The following LRRC4C variants were observed in gnomAD, a reference collection of about 807,000 sequenced individuals.
LRRC4C encodes leucine-rich repeat-containing protein 4C.
LRRC4C carries 5 observed loss-of-function variants against 33.6 expected under a neutral mutation model. That is an observed-to-expected ratio of 0.15 (90% confidence interval 0.08 to 0.31). The LOEUF (loss-of-function observed/expected upper bound fraction) is 0.31. LRRC4C is among the 10% of genes least tolerant of loss of function. The probability of loss-of-function intolerance (pLI) is 1.00; values close to 1 mark genes in which losing one functional copy is unlikely to be tolerated. For missense variants in LRRC4C, 560 were observed against 796.7 expected (o/e 0.70, Z 3.58); for synonymous variants, 329 against 302.0 (o/e 1.09, Z -0.93).
chr11:40,298,724 C>T (rs1213310672), intron 4 of LRRC4C, among the ~76,000 whole-genome samples: 1 of 152,056 alleles, frequency 6.6e-6, no homozygotes, highest in Non-Finnish European at 1.5e-5. Context: ...GTTTAATTGA[C>T]TCACAGTTCC....
chr11:40,195,261 G>GA (rs1862171878), intron 5 of LRRC4C, among the ~76,000 whole-genome samples: 1 of 152,042 alleles, frequency 6.6e-6, no homozygotes, highest in Non-Finnish European at 1.5e-5. Flanking sequence ...AAGACTAGAG[G>GA]AAAAAAATAG....
intron 2 of LRRC4C, among the ~76,000 whole-genome samples, chr11:40,720,504 C>T (rs1591547073): frequency 6.6e-6 from 1 of 152,098 alleles, no homozygotes; most frequent in Admixed American, 6.6e-5. Context: ...CGATAGTTAG[C>T]AGTACAAGAG....
intron 1 of LRRC4C, among the ~76,000 whole-genome samples, chr11:41,069,306 C>T (rs944097781): frequency 6.6e-6 from 1 of 152,134 alleles, no homozygotes; most frequent in Admixed American, 6.5e-5. Context: ...AACCCATAGC[C>T]ATTATCATGT....
At chr11:40,505,443 G>A (rs1476467912) in intron 3 of LRRC4C, among the ~76,000 whole-genome samples, 1 of 152,170 alleles carries the variant, frequency 6.6e-6, no homozygotes, top group Non-Finnish European at 1.5e-5. Flanking sequence ...AATGTCATCA[G>A]ACAGGATTGA....
intron 1 of LRRC4C, among the ~76,000 whole-genome samples, chr11:41,281,494 C>T (rs1949677215): frequency 6.6e-6 from 1 of 152,136 alleles, no homozygotes; most frequent in Non-Finnish European, 1.5e-5. Flanking sequence ...CTTGGCTTGT[C>T]ACTGGACGAG....
At chr11:40,363,126 A>G (rs1169173410) in intron 3 of LRRC4C, among the ~76,000 whole-genome samples, 3 of 152,170 alleles carry the variant, frequency 2.0e-5, no homozygotes, top group African/African-American at 7.2e-5. Flanking sequence ...TTGCAGCACT[A>G]TTTACAGTAG....
At chr11:40,559,895 AAAAT>A (rs1302176518) in intron 3 of LRRC4C, among the ~76,000 whole-genome samples, 1 of 152,152 alleles carries the variant, frequency 6.6e-6, no homozygotes, top group Non-Finnish European at 1.5e-5. Context: ...GAGAAAGACA[AAAAT>A]AAATAAACAC....
intron 6 of LRRC4C, among the ~76,000 whole-genome samples, chr11:40,130,369 TC>T (rs1207795392): frequency 6.6e-6 from 1 of 152,192 alleles, no homozygotes; most frequent in Non-Finnish European, 1.5e-5. Flanking sequence ...TTTTCTTTTT[TC>T]TTCAAGTTCA....
At chr11:40,575,621 C>G (rs1284287753) in intron 3 of LRRC4C, among the ~76,000 whole-genome samples, 2 of 152,104 alleles carry the variant, frequency 1.3e-5, no homozygotes, top group Non-Finnish European at 2.9e-5. Context: ...CTAATTAGCT[C>G]TATGAATTTA....
At chr11:41,308,454 C>G (rs1331923947) in intron 1 of LRRC4C, among the ~76,000 whole-genome samples, 1 of 152,102 alleles carries the variant, frequency 6.6e-6, no homozygotes, top group Non-Finnish European at 1.5e-5. Flanking sequence ...GCTGTGTCCA[C>G]CGCCAAGGTG....
chr11:41,213,222 C>T (rs1170775403), intron 1 of LRRC4C, among the ~76,000 whole-genome samples: 1 of 152,060 alleles, frequency 6.6e-6, no homozygotes, highest in Non-Finnish European at 1.5e-5. Flanking sequence ...ATAAACTAAA[C>T]AGTATAAACA....
At chr11:40,897,859 C>T (rs753715986) in intron 2 of LRRC4C, among the ~76,000 whole-genome samples, 5 of 152,168 alleles carry the variant, frequency 3.3e-5, no homozygotes, top group Admixed American at 2.0e-4. Flanking sequence ...GACCAGCCAT[C>T]GCTAACTGGC....
chr11:41,441,660 C>G (rs1222257232), intron 1 of LRRC4C, among the ~76,000 whole-genome samples: 1 of 148,972 alleles, frequency 6.7e-6, no homozygotes, highest in Non-Finnish European at 1.5e-5. Flanking sequence ...TCTCTTCCTT[C>G]TATTTCATTC....
In LRRC4C at chr11:40,709,469, A is replaced by T. The variant is rs549196316; in HGVS notation, c.-406-61191T>A. Among the ~76,000 whole-genome samples the T allele has an allele frequency of 5.3e-5, 8 of 152,194 alleles. 1 individual carries two copies. The South Asian group carries it at 1.5e-3, about 28-fold the overall frequency. On this transcript the variant is annotated intron_variant, in intron 2 of 6. Transcript: ENST00000528697. The stretch of plus-strand genomic sequence containing the variant: ...TATTTCTCCTTCACTTATGAAGCTT[A>T]GTTTGGCTGGATATGAAATTCTGGG...
At chr11:41,200,542 GTAATGT>G (rs1190818073) in intron 1 of LRRC4C, among the ~76,000 whole-genome samples, 1 of 151,722 alleles carries the variant, frequency 6.6e-6, no homozygotes, top group Non-Finnish European at 1.5e-5. Flanking sequence ...ATTTTTTCAG[GTAATGT>G]TAACCTACCT....
chr11:40,838,083 G>A (rs917113291), intron 2 of LRRC4C, among the ~76,000 whole-genome samples: 29 of 152,148 alleles, frequency 1.9e-4, no homozygotes, highest in Admixed American at 6.5e-5. Flanking sequence ...CTATATAGCA[G>A]TAGATAACTC....
chr11:40,145,998 A>T (rs1857704668), intron 5 of LRRC4C, among the ~76,000 whole-genome samples: 1 of 152,192 alleles, frequency 6.6e-6, no homozygotes, highest in African/African-American at 2.4e-5. Flanking sequence ...GTTTAATAGG[A>T]GAGAGCAAGG....
chr11:41,074,450 A>G (rs911685948), intron 1 of LRRC4C, among the ~76,000 whole-genome samples: 3 of 152,212 alleles, frequency 2.0e-5, no homozygotes, highest in African/African-American at 7.2e-5. Context: ...ATTGCTCATC[A>G]GCATTTACTC....
At position 40,776,696 on chromosome 11, in the gene LRRC4C, A is replaced by G. The variant is rs181414748; in HGVS notation, c.-406-128418T>C. On this transcript the variant is annotated intron_variant, in intron 2 of 6. Transcript: ENST00000528697. ...AAGAAATTTTTGGTTTGGTTAACTTATTGTATTGATTTTCATTGTCTTGAT... is the reference window on the plus strand; with the variant it reads ...AAGAAATTTTTGGTTTGGTTAACTTGTTGTATTGATTTTCATTGTCTTGAT... Among the ~76,000 whole-genome samples the G allele has an allele frequency of 2.0e-5, 3 of 151,850 alleles. No individual in the cohort carries two copies. In the East Asian group the frequency reaches 5.8e-4, roughly 30 times the overall value.
Sources: allele counts gnomAD v4.1 joint callset (sites outside exome capture counted in the v4.1 genomes callset), GRCh38; gene constraint gnomAD v4.1.1; transcripts MANE v1.5; gene names NCBI Gene and HGNC (gene_info 2026-07-23, HGNC 2026-07-21).